The following GNA12 variants were observed in gnomAD, a reference collection of about 807,000 sequenced individuals.
GNA12 encodes guanine nucleotide-binding protein subunit alpha-12.
In GNA12, 9 loss-of-function variants were observed where a neutral mutation model predicts 26.0. The observed-to-expected ratio is 0.35, with a 90% CI of 0.21 to 0.60. The LOEUF is 0.60. GNA12 is among the 20% of genes least tolerant of loss of function. The pLI, the probability that GNA12 is intolerant of heterozygous loss-of-function variation, is 0.78. For missense variants in GNA12, 405 were observed against 525.8 expected (o/e 0.77, Z 2.25); for synonymous variants, 264 against 219.6 (o/e 1.20, Z -1.79).
chr7:2,777,453 G>C (rs1029199432), intron 2 of GNA12, among the ~76,000 whole-genome samples: 16 of 152,246 alleles, frequency 1.1e-4, no homozygotes, highest in African/African-American at 3.6e-4. Context: ...TGAATGGAAT[G>C]GCTGTGCCTC....
In GNA12 at chr7:2,729,175, C is replaced by T. The variant is rs1176645703; in HGVS notation, c.*2006G>A. On this transcript the variant is annotated 3_prime_UTR_variant, in exon 4 of 4. Coordinates refer to ENST00000275364, the MANE Select transcript of GNA12 (RefSeq NM_007353.3). ...GCTCTCCCCGTTGGCGGAGGACCCG[C>T]TTGCACTTCCTCTGGGCTCTGGATT... 1 of 152,390 alleles carries T rather than the reference C, an allele frequency of 6.6e-6. No individual in the cohort carries two copies. The highest frequency in any genetic ancestry group is 2.4e-5 in the African/African-American group (1 of 41,474). 9.4% of individuals were successfully genotyped at this position (152,390 alleles called of 1,614,324 possible). A position where few individuals can be genotyped will look rare whatever the true frequency, so the allele number is the denominator to read the frequency against.
At position 2,809,601 on chromosome 7, in the gene GNA12, G is replaced by A. The variant is rs767816191; in HGVS notation, c.310-14458C>T. On this transcript the variant is annotated intron_variant, in intron 1 of 3. Coordinates refer to ENST00000275364, the MANE Select transcript of GNA12 (RefSeq NM_007353.3). ...ATGTCAAAGACAAAATTAAAAAGCCGGCTACTCTGGGTACACCGCCTTTGG... is the reference window on the plus strand; with the variant it reads ...ATGTCAAAGACAAAATTAAAAAGCCAGCTACTCTGGGTACACCGCCTTTGG... Among the ~76,000 whole-genome samples the A allele has an allele frequency of 6.9e-4, 105 of 151,920 alleles. 1 individual carries two copies. The highest frequency in any genetic ancestry group is 4.6e-4 in the Non-Finnish European group (31 of 68,010).
At chr7:2,806,672 T>C (rs561237891) in intron 1 of GNA12, among the ~76,000 whole-genome samples, 16 of 152,340 alleles carry the variant, frequency 1.1e-4, no homozygotes, top group African/African-American at 3.6e-4. Context: ...TGTAACACTT[T>C]AAAATTTTTC....
chr7:2,742,262 C>T (rs554594651), intron 2 of GNA12, among the ~76,000 whole-genome samples: 49 of 152,162 alleles, frequency 3.2e-4, no homozygotes, highest in African/African-American at 8.0e-4. Flanking sequence ...GTGATCTGCC[C>T]GCCTCAGCCT....
At chr7:2,837,281 A>G (rs1778865359) in intron 1 of GNA12, among the ~76,000 whole-genome samples, 1 of 152,170 alleles carries the variant, frequency 6.6e-6, no homozygotes, top group African/African-American at 2.4e-5. Flanking sequence ...TAGAATCAGC[A>G]ACGCCCAGAG....
chr7:2,809,128 C>T (rs888113456), intron 1 of GNA12, among the ~76,000 whole-genome samples: 6 of 152,180 alleles, frequency 3.9e-5, no homozygotes, highest in African/African-American at 7.2e-5. Context: ...GCTGGCTACC[C>T]GCCTTCAGAG....
intron 2 of GNA12, among the ~76,000 whole-genome samples, chr7:2,756,691 T>C (rs980975942): frequency 6.6e-6 from 1 of 152,230 alleles, no homozygotes; most frequent in Non-Finnish European, 1.5e-5. Context: ...GTCAGAATTC[T>C]AAGATGAGCC....
chr7:2,828,876 C>A (rs1029045089), intron 1 of GNA12, among the ~76,000 whole-genome samples: 13 of 152,010 alleles, frequency 8.6e-5, no homozygotes, highest in Admixed American at 8.5e-4. Context: ...GGCAACATGG[C>A]AAAATCTACA....
intron 1 of GNA12, among the ~76,000 whole-genome samples, chr7:2,824,649 G>A (rs1793443677): frequency 6.6e-6 from 1 of 152,248 alleles, no homozygotes; most frequent in Admixed American, 6.5e-5. Flanking sequence ...GAAGGTGCTC[G>A]ATAAATATCA....
intron 2 of GNA12, chr7:2,762,651 G>C (rs1406242039): frequency 3.8e-6 from 6 of 1,599,186 alleles, no homozygotes; most frequent in Non-Finnish European, 5.1e-6. Flanking sequence ...CAGAGCGGCA[G>C]GACGATGAGA....
chr7:2,772,466 A>G (rs917314446), intron 2 of GNA12, among the ~76,000 whole-genome samples: 1 of 152,118 alleles, frequency 6.6e-6, no homozygotes. Context: ...AGGCTGAGGC[A>G]GGAGAATGGC....
intron 1 of GNA12, among the ~76,000 whole-genome samples, chr7:2,827,447 A>G (rs1793510782): frequency 6.6e-6 from 1 of 152,234 alleles, no homozygotes; most frequent in African/African-American, 2.4e-5. Flanking sequence ...TATTAACGAA[A>G]CTTCAGCTGG....
intron 2 of GNA12, chr7:2,762,911 G>C: frequency 7.1e-7 from 1 of 1,415,886 alleles, no homozygotes; most frequent in Non-Finnish European, 9.3e-7. Flanking sequence ...GGGGAGAAGA[G>C]GCCACAGGCG....
At position 2,757,129 on chromosome 7, in the gene GNA12, C is replaced by CTTTTTTTT. The variant is rs71026549; in HGVS notation, c.526-23636_526-23629dup. On this transcript the variant is annotated intron_variant, in intron 2 of 3. Transcript: ENST00000275364. ...GCAGGCCCGATCTAATCAGGTGGGC[C>CTTTTTTTT]TTTTTTTTTTTTTTTTTTTTTTTTG... Among the ~76,000 whole-genome samples the CTTTTTTTT allele has an allele frequency of 4.0e-3, 375 of 93,980 alleles. 8 individuals carry two copies. The highest frequency in any genetic ancestry group is 0.013 in the African/African-American group (290 of 23,000). The allele number at this position is 93,980 out of a possible 152,430, so 61.7% of individuals were successfully genotyped here.
chr7:2,738,429 AAGG>A (rs1391966493), intron 2 of GNA12, among the ~76,000 whole-genome samples: 2 of 152,218 alleles, frequency 1.3e-5, no homozygotes, highest in Non-Finnish European at 2.9e-5. Context: ...CGCACCGGCG[AAGG>A]AGAAGAGCTC....
chr7:2,774,230 T>C (rs1302312505), intron 2 of GNA12, among the ~76,000 whole-genome samples: 5 of 152,168 alleles, frequency 3.3e-5, no homozygotes, highest in Admixed American at 2.0e-4. Context: ...TGCACTTTTA[T>C]TTCTATACAT....
rs1034661867 is a variant in GNA12, at chr7:2,728,472, C to A, written c.*2709G>T. 3.3e-5 allele frequency: 5 copies of A among 152,416 alleles called. No homozygotes were observed. The highest frequency in any genetic ancestry group is 1.2e-4 in the African/African-American group (5 of 41,546). The allele number at this position is 152,416 out of a possible 1,614,324, so 9.4% of individuals were successfully genotyped here. A position where few individuals can be genotyped will look rare whatever the true frequency, so the allele number is the denominator to read the frequency against. On this transcript the variant is annotated 3_prime_UTR_variant, in exon 4 of 4. Coordinates refer to ENST00000275364, the MANE Select transcript of GNA12 (RefSeq NM_007353.3). The stretch of plus-strand genomic sequence containing the variant: ...TGACTCAAAATCCTTGAAACAATTT[C>A]TCTACGAACATAAGAGTTAAAAATA...
At chr7:2,735,627 A>C (rs1790131194) in intron 2 of GNA12, among the ~76,000 whole-genome samples, 1 of 152,220 alleles carries the variant, frequency 6.6e-6, no homozygotes, top group African/African-American at 2.4e-5. Flanking sequence ...CAACACAGCA[A>C]ACACTCACTG....
At chr7:2,810,019 G>A (rs1793041377) in intron 1 of GNA12, among the ~76,000 whole-genome samples, 4 of 152,178 alleles carry the variant, frequency 2.6e-5, no homozygotes, top group South Asian at 2.1e-4. Context: ...CTTCTTAGAG[G>A]GAAATGGTTT....
Sources: gnomAD v4.1 joint callset for allele counts (sites outside exome capture counted in the v4.1 genomes callset) on GRCh38, gnomAD v4.1.1 for gene constraint, MANE v1.5 for transcripts, NCBI Gene and HGNC (gene_info 2026-07-23, HGNC 2026-07-21) for gene names.